The following SRGAP3 variants were observed in gnomAD, a reference collection of about 807,000 sequenced individuals.
The protein encoded by SRGAP3 is SLIT-ROBO Rho GTPase-activating protein 3.
SRGAP3 carries 39 observed loss-of-function variants against 121.1 expected under a neutral mutation model. The ratio of observed to expected loss-of-function variants is 0.32; its 90% confidence interval spans 0.25 to 0.42. SRGAP3 has a LOEUF of 0.42. Among genes scored for constraint, SRGAP3 ranks in the 10% least tolerant of loss-of-function variants. SRGAP3 has a pLI of 1.00. For synonymous variants in SRGAP3, 601 were observed against 570.0 expected, an observed-to-expected ratio of 1.05 and a Z score of -0.77; for missense variants, 1,213 against 1,470.6, an observed-to-expected ratio of 0.82 and a Z score of 2.86.
At chr3:9,348,454 C>G in intron 1 of SRGAP3, 1 of 666,932 alleles carries the variant, frequency 1.5e-6, no homozygotes, top group Non-Finnish European at 2.8e-6. Flanking sequence ...TGGCTGCCTA[C>G]AAATTGGTGT....
chr3:9,173,071 G>A (rs956694717), intron 1 of SRGAP3, among the ~76,000 whole-genome samples: 4 of 152,206 alleles, frequency 2.6e-5, no homozygotes, highest in Non-Finnish European at 1.5e-5. Flanking sequence ...AGGGCCAGCC[G>A]AGTCAGCTGG....
intron 4 of SRGAP3, among the ~76,000 whole-genome samples, chr3:9,068,225 G>C (rs1021432282): frequency 1.3e-5 from 2 of 152,166 alleles, no homozygotes; most frequent in Non-Finnish European, 2.9e-5. Flanking sequence ...GGGGAAAAGA[G>C]AGCCTTTCTA....
intron 2 of SRGAP3, among the ~76,000 whole-genome samples, chr3:9,115,003 A>T (rs1266998193): frequency 6.6e-6 from 1 of 152,234 alleles, no homozygotes; most frequent in African/African-American, 2.4e-5. Context: ...CAAGAAATTA[A>T]GTCATTTGCC....
At chr3:9,058,096 G>A (rs145616938) in intron 7 of SRGAP3, among the ~76,000 whole-genome samples, 155 bp downstream of exon 7, 338 of 152,318 alleles carry the variant, frequency 2.2e-3, no homozygotes, top group African/African-American at 7.9e-3. Context: ...GGGTATTAGT[G>A]GTAAACTCCT....
intron 1 of SRGAP3, among the ~76,000 whole-genome samples, chr3:9,185,365 G>A (rs1662948814): frequency 6.6e-6 from 1 of 152,180 alleles, no homozygotes; most frequent in Non-Finnish European, 1.5e-5. Flanking sequence ...AGACGGGGCA[G>A]GGAGGATCAT....
At chr3:9,254,439 G>C (rs575247795), upstream of SRGAP3, among the ~76,000 whole-genome samples, 7 of 152,302 alleles carry the variant, frequency 4.6e-5, no homozygotes, top group South Asian at 1.5e-3. Flanking sequence ...TCAGGGGCTA[G>C]AAAGAGCGAG....
intron 1 of SRGAP3, among the ~76,000 whole-genome samples, chr3:9,334,073 T>A (rs1955651403): frequency 6.6e-6 from 1 of 152,094 alleles, no homozygotes; most frequent in Non-Finnish European, 1.5e-5. Flanking sequence ...ATTAATATCA[T>A]TTAACATGAT....
chr3:9,116,307 T>G (rs1405700226), intron 2 of SRGAP3, among the ~76,000 whole-genome samples: 1 of 152,366 alleles, frequency 6.6e-6, no homozygotes, highest in African/African-American at 2.4e-5. Context: ...ATAAGTCTAT[T>G]TGTTAAATAT....
intron 1 of SRGAP3, among the ~76,000 whole-genome samples, chr3:9,332,260 C>G (rs1470554786): frequency 2.6e-5 from 4 of 152,174 alleles, no homozygotes; most frequent in Non-Finnish European, 4.4e-5. Flanking sequence ...GCTGGGATTA[C>G]AGGTGTGCAC....
At chr3:9,333,159 G>A (rs910157448) in intron 1 of SRGAP3, among the ~76,000 whole-genome samples, 12 of 151,928 alleles carry the variant, frequency 7.9e-5, no homozygotes, top group Non-Finnish European at 1.2e-4. Context: ...TATTACTCTC[G>A]GAAAGGAAGA....
rs1941402195 is a variant in SRGAP3 at position 8,981,200 on chromosome 3, A to G, written c.*4319T>C. On this transcript the variant is annotated 3_prime_UTR_variant, in exon 22 of 22. Coordinates refer to ENST00000383836, the MANE Select transcript of SRGAP3 (RefSeq NM_014850.4). ...GCTTTGGATATGTGGGGAATGTTCT[A>G]TGTGGCTGCTCAGAGGAGAGGAGAC... 1 of 232,818 alleles carries G rather than the reference A, an allele frequency of 4.3e-6. No individual in the cohort carries two copies. Among genetic ancestry groups the G allele is most frequent in the African/African-American group, 2.2e-5 (1 of 45,320 alleles). 14.4% of individuals were successfully genotyped at this position (232,818 alleles called of 1,614,324 possible). A position where few individuals can be genotyped will look rare whatever the true frequency, so the allele number is the denominator to read the frequency against.
chr3:9,157,100 G>C (rs1458559491), intron 1 of SRGAP3, among the ~76,000 whole-genome samples: 1 of 152,102 alleles, frequency 6.6e-6, no homozygotes, highest in Admixed American at 6.5e-5. Flanking sequence ...CCGCTAAAAA[G>C]AACAACCTGA....
chr3:9,170,533 C>T (rs113506525), intron 1 of SRGAP3, among the ~76,000 whole-genome samples: 48 of 152,088 alleles, frequency 3.2e-4, no homozygotes, highest in African/African-American at 1.2e-3. Flanking sequence ...TAGGAAGTCG[C>T]ACTCAAATGG....
chr3:9,204,108 A>T (rs549745681), intron 1 of SRGAP3, among the ~76,000 whole-genome samples: 1 of 152,358 alleles, frequency 6.6e-6, no homozygotes, highest in Admixed American at 6.5e-5. Context: ...CCAACACCTC[A>T]GCAGTGAATG....
chr3:9,084,255 C>T (rs1242955454), intron 3 of SRGAP3, among the ~76,000 whole-genome samples: 1 of 152,160 alleles, frequency 6.6e-6, no homozygotes, highest in South Asian at 2.1e-4. Context: ...CCCAGGAATT[C>T]ATTCCTCCAG....
At chr3:9,126,429 A>G (rs1344659994) in intron 1 of SRGAP3, among the ~76,000 whole-genome samples, 1 of 152,142 alleles carries the variant, frequency 6.6e-6, no homozygotes. Flanking sequence ...CAGGAGGTGG[A>G]GACCATCCTG....
At chr3:9,124,970 T>C in intron 1 of SRGAP3, 53 bp from the exon 2 acceptor site, 2 of 1,604,550 alleles carry the variant, frequency 1.2e-6, no homozygotes, top group Non-Finnish European at 1.7e-6. Flanking sequence ...ACGGGGGCAC[T>C]GGGGCCCGCT....
intron 12 of SRGAP3, chr3:9,028,222 G>A: frequency 1.3e-6 from 2 of 1,550,308 alleles, no homozygotes; most frequent in Non-Finnish European, 8.9e-7. Context: ...ATCCTTCAGA[G>A]TCCGTGAACG....
intron 1 of SRGAP3, among the ~76,000 whole-genome samples, chr3:9,170,182 G>C (rs1018880708): frequency 6.6e-6 from 1 of 152,144 alleles, no homozygotes; most frequent in Non-Finnish European, 1.5e-5. Flanking sequence ...AATGTCCGTA[G>C]AAGAAACCGC....
Sources: allele counts gnomAD v4.1 joint callset (sites outside exome capture counted in the v4.1 genomes callset), GRCh38; gene constraint gnomAD v4.1.1; transcripts MANE v1.5; gene names NCBI Gene and HGNC (gene_info 2026-07-23, HGNC 2026-07-21).